The following LGSN variants were observed in gnomAD, a reference collection of about 807,000 sequenced individuals.
LGSN encodes the protein lengsin, lens protein with glutamine synthetase domain, also known as lengsin.
LGSN carries 21 observed loss-of-function variants against 19.5 expected under a neutral mutation model. The ratio of observed to expected loss-of-function variants is 1.07; its 90% CI spans 0.76 to 1.55. LGSN has a LOEUF of 1.55. Ranked by LOEUF, LGSN falls within the 40% of genes most tolerant of loss-of-function variation. The pLI is 0.00. For synonymous variants in LGSN, 257 were observed against 215.6 expected (o/e 1.19, Z -1.68); for missense variants, 673 against 608.5 (o/e 1.11, Z -1.12).
At chr6:63,307,939 A>T (rs976866762) in intron 1 of LGSN, among the ~76,000 whole-genome samples, 1 of 152,224 alleles carries the variant, frequency 6.6e-6, no homozygotes, top group Non-Finnish European at 1.5e-5. Context: ...AGTGTGATCC[A>T]AATAGCCTGG....
At chr6:63,534,719 A>C in the LGSN span, among the ~76,000 whole-genome samples, 2 of 150,810 alleles carry the variant, frequency 1.3e-5, no homozygotes, top group African/African-American at 2.5e-5. Flanking sequence ...AGGCTGAGGC[A>C]GGTGGATCAC....
chr6:63,332,827 C>T, the LGSN span, among the ~76,000 whole-genome samples: 459 of 152,164 alleles, frequency 3.0e-3, 3 homozygotes, highest in African/African-American at 0.01. Context: ...TGGCGGTAGG[C>T]GAAAGTCCCT....
chr6:63,497,843 A>G, the LGSN span, among the ~76,000 whole-genome samples: 43 of 151,608 alleles, frequency 2.8e-4, no homozygotes, highest in African/African-American at 1.0e-3. Flanking sequence ...AGCATAGTTA[A>G]TTCTCTTCCC....
the LGSN span, among the ~76,000 whole-genome samples, chr6:63,398,385 T>G: frequency 3.0e-4 from 46 of 152,152 alleles, 1 homozygote; most frequent in East Asian, 1.5e-3. Context: ...TTGATGACTC[T>G]GACCCTGTGT....
chr6:63,366,360 T>A, the LGSN span, among the ~76,000 whole-genome samples: 6 of 151,966 alleles, frequency 3.9e-5, no homozygotes, highest in Non-Finnish European at 8.8e-5. Context: ...GAGAATAAAA[T>A]ACCTAGGAAT....
chr6:63,486,888 T>C, the LGSN span, among the ~76,000 whole-genome samples: 1 of 151,404 alleles, frequency 6.6e-6, no homozygotes, highest in Non-Finnish European at 1.5e-5. Context: ...CAGGCTGGAG[T>C]GCAGTGGTGC....
the LGSN span, among the ~76,000 whole-genome samples, chr6:63,550,664 G>A: frequency 6.6e-6 from 1 of 152,110 alleles, no homozygotes; most frequent in Non-Finnish European, 1.5e-5. Context: ...TCCCTCTGTT[G>A]CCCAGGCTGG....
At chr6:63,566,791 G>A in the LGSN span, among the ~76,000 whole-genome samples, 14 of 152,168 alleles carry the variant, frequency 9.2e-5, no homozygotes, top group African/African-American at 2.7e-4. Context: ...AGGCAGTGCT[G>A]TTTGATAGTA....
chr6:63,344,223 G>A, the LGSN span, among the ~76,000 whole-genome samples: 1 of 152,198 alleles, frequency 6.6e-6, no homozygotes, highest in Non-Finnish European at 1.5e-5. Flanking sequence ...AGTAGAAAAT[G>A]AATACAGTGA....
At chr6:63,405,823 G>T in the LGSN span, among the ~76,000 whole-genome samples, 21 of 152,186 alleles carry the variant, frequency 1.4e-4, no homozygotes, top group African/African-American at 4.8e-4. Context: ...AATAAAAGGA[G>T]GGAGGAAGAT....
chr6:63,527,472 A>G, the LGSN span, among the ~76,000 whole-genome samples: 2 of 152,142 alleles, frequency 1.3e-5, no homozygotes, highest in Admixed American at 1.3e-4. Flanking sequence ...TGTTGTAGAT[A>G]TCTCAAAAGC....
the LGSN span, among the ~76,000 whole-genome samples, chr6:63,456,497 T>A: frequency 6.6e-6 from 1 of 150,642 alleles, no homozygotes; most frequent in Non-Finnish European, 1.5e-5. Context: ...GTACTGGGAT[T>A]ACAGCCATGA....
chr6:63,307,179 C>T (rs541926260), intron 1 of LGSN, among the ~76,000 whole-genome samples: 3 of 152,242 alleles, frequency 2.0e-5, no homozygotes, highest in African/African-American at 7.2e-5. Context: ...CTTCTAAATG[C>T]TTTGTCTTAA....
the LGSN span, among the ~76,000 whole-genome samples, chr6:63,442,412 C>T: frequency 2.6e-5 from 4 of 152,146 alleles, no homozygotes; most frequent in African/African-American, 4.8e-5. Context: ...CCTGATGATT[C>T]GTCCATTTTA....
At chr6:63,423,412 A>G in the LGSN span, among the ~76,000 whole-genome samples, 7 of 152,180 alleles carry the variant, frequency 4.6e-5, no homozygotes, top group Admixed American at 1.3e-4. Flanking sequence ...GGAGGCAGGC[A>G]GATTTCATGA....
the LGSN span, among the ~76,000 whole-genome samples, chr6:63,525,659 C>T: frequency 6.6e-6 from 1 of 152,204 alleles, no homozygotes; most frequent in Non-Finnish European, 1.5e-5. Flanking sequence ...CAGCTTCCAC[C>T]TTCTCCAAGC....
At chr6:63,456,391 A>ATATATACG in the LGSN span, among the ~76,000 whole-genome samples, 1 of 110,446 alleles carries the variant, frequency 9.1e-6, no homozygotes, top group Non-Finnish European at 1.7e-5. Flanking sequence ...ATATATATAT[A>ATATATACG]TACTTTTTTT....
At chr6:63,498,109 G>A in the LGSN span, among the ~76,000 whole-genome samples, 30 of 151,662 alleles carry the variant, frequency 2.0e-4, no homozygotes, top group Middle Eastern at 3.4e-3. Flanking sequence ...GTAGAGACAG[G>A]GTTTCTCTAT....
At chr6:63,407,124 T>C in the LGSN span, among the ~76,000 whole-genome samples, 251 of 152,036 alleles carry the variant, frequency 1.7e-3, no homozygotes, top group African/African-American at 5.8e-3. Context: ...GTACCATTCC[T>C]TCTGAAACTA....
Sources: allele counts gnomAD v4.1 joint callset (sites outside exome capture counted in the v4.1 genomes callset), GRCh38; gene constraint gnomAD v4.1.1; transcripts MANE v1.5; gene names NCBI Gene and HGNC (gene_info 2026-07-23, HGNC 2026-07-21).